SLC26A3: variants seen among roughly 807,000 people sequenced by gnomAD.
SLC26A3 encodes the protein solute carrier family 26 member 3, also known as chloride anion exchanger.
A neutral mutation model predicts 85.6 loss-of-function variants in SLC26A3; 64 were observed. That is an observed-to-expected ratio of 0.75 (90% CI 0.61 to 0.92). SLC26A3 has a LOEUF of 0.92. Ranked by LOEUF, SLC26A3 falls within the 40% of genes least tolerant of loss-of-function variation. The pLI is 0.00. For missense variants in SLC26A3, 922 were observed against 927.3 expected (o/e 0.99, Z 0.07); for synonymous variants, 349 against 336.0 (o/e 1.04, Z -0.42).
chr7:107,797,540 A>T (rs1464001126), intron 1 of SLC26A3, among the ~76,000 whole-genome samples: 1 of 151,816 alleles, frequency 6.6e-6, no homozygotes, highest in Non-Finnish European at 1.5e-5. Flanking sequence ...TTAGAGAGAA[A>T]TCTTGAGGGC....
intron 15 of SLC26A3, among the ~76,000 whole-genome samples, chr7:107,775,517 G>A (rs1435047556): frequency 2.0e-5 from 3 of 151,976 alleles, no homozygotes; most frequent in Non-Finnish European, 4.4e-5. Context: ...GTGAGGCCAC[G>A]AGTTCAAGGC....
chr7:107,783,579 G>A (rs1409712751), intron 8 of SLC26A3, among the ~76,000 whole-genome samples: 1 of 152,228 alleles, frequency 6.6e-6, no homozygotes, highest in African/African-American at 2.4e-5. Flanking sequence ...TCCAAGGATA[G>A]TGGTAAATCA....
rs1182291088 is a variant in SLC26A3, at chr7:107,776,439, C to T, written c.1677+13G>A. The T allele has an allele frequency of 5.0e-6, 8 of 1,601,132 alleles. No homozygotes were observed. The highest frequency in any genetic ancestry group is 6.8e-6 in the Non-Finnish European group (8 of 1,168,286). ...GATTACAAGGAAAAAAATTAAATAA[C>T]CCCAAACCTTACAGCATCGATAAGT... On this transcript the variant is annotated intron_variant, in intron 15 of 20. Coordinates refer to ENST00000340010, the MANE Select transcript of SLC26A3 (RefSeq NM_000111.3).
chr7:107,767,587 C>T lies in SLC26A3; in HGVS notation c.2263G>A (p.Val755Ile). The T allele has an allele frequency of 1.2e-6, 2 of 1,606,912 alleles. No homozygotes were observed. Among genetic ancestry groups the T allele is most frequent in the Non-Finnish European group, 8.5e-7 (1 of 1,173,984 alleles). The change falls in exon 20 of 21, where the codon GTA becomes ATA. Residue 755 changes from valine to isoleucine, a missense_variant. Val to Ile is a conservative substitution (Grantham distance 29). Coordinates refer to ENST00000340010, the MANE Select transcript of SLC26A3 (RefSeq NM_000111.3). ...INTNGGLRNR[V>I]YEVPVETKF ...CTGTTGAAGAATCTTACCTCATATA[C>T]CCGATTACGTAATCCTCCATTTGTA...
At chr7:107,783,456 C>T in intron 8 of SLC26A3, 104 bp from the exon 9 acceptor site, 1 of 1,375,958 alleles carries the variant, frequency 7.3e-7, no homozygotes, top group Non-Finnish European at 1.0e-6. Context: ...TGAGTTGTGT[C>T]TCACTTTGGA....
chr7:107,800,635 G>A (rs1002262660), intron 1 of SLC26A3, among the ~76,000 whole-genome samples: 1 of 152,206 alleles, frequency 6.6e-6, no homozygotes, highest in African/African-American at 2.4e-5. Flanking sequence ...CTTTTGTTAG[G>A]TCCTATGACA....
chr7:107,779,895 G>C, intron 11 of SLC26A3, 132 bp from the exon 12 acceptor site: 1 of 756,480 alleles, frequency 1.3e-6, no homozygotes, highest in East Asian at 2.7e-5. Flanking sequence ...ACCCTTTTCC[G>C]GTGTGCGATG....
At chr7:107,779,558 T>TTATA (rs1459292249) in intron 12 of SLC26A3, 110 bp downstream of exon 12, 1 of 879,238 alleles carries the variant, frequency 1.1e-6, no homozygotes, top group Non-Finnish European at 1.8e-6. Flanking sequence ...TTTGAACAGA[T>TTATA]ATATAGAAAC....
In SLC26A3 at chr7:107,791,970, C is replaced by T. The variant is rs749093434; in HGVS notation, c.272-30G>A. The T allele has an allele frequency of 3.0e-6, 4 of 1,320,110 alleles. No individual in the cohort carries two copies. In the South Asian group the frequency reaches 4.7e-5, roughly 16 times the overall value. 81.8% of individuals were successfully genotyped at this position (1,320,110 alleles called of 1,614,324 possible). On this transcript the variant is annotated intron_variant, in intron 3 of 20. Coordinates refer to ENST00000340010, the MANE Select transcript of SLC26A3 (RefSeq NM_000111.3). Reference sequence around the variant, plus strand: ...AAACACACAAGCAGCAGAGCCCTTACTCTGTGCAAGAGGAATCAAAGACAT... The same window carrying T: ...AAACACACAAGCAGCAGAGCCCTTATTCTGTGCAAGAGGAATCAAAGACAT...
intron 1 of SLC26A3, among the ~76,000 whole-genome samples, chr7:107,802,787 T>C (rs1449499816): frequency 6.7e-6 from 1 of 148,432 alleles, no homozygotes; most frequent in Non-Finnish European, 1.5e-5. Flanking sequence ...AGACAATCTA[T>C]CTATAAAGTC....
chr7:107,784,592 C>T (rs1453478764), intron 8 of SLC26A3, among the ~76,000 whole-genome samples: 1 of 152,128 alleles, frequency 6.6e-6, no homozygotes, highest in Non-Finnish European at 1.5e-5. Flanking sequence ...CCACCACGCC[C>T]AGCTAATTTT....
Position 107,778,163 on chromosome 7 carries a change from T to A in SLC26A3, c.1514+12A>T, listed in dbSNP as rs1162853053. 1.9e-6 allele frequency: 3 copies of A among 1,587,722 alleles called. No homozygotes were observed. The Admixed American group carries it at 5.0e-5, about 27-fold the overall frequency. On this transcript the variant is annotated intron_variant, in intron 13 of 20. Transcript: ENST00000340010. ...CAAGCCTGCCAGGATGCAGAGCACT[T>A]TGAGCACTCACAATTGGGTCCTGAA... is the stretch of plus-strand genomic sequence containing the variant.
Position 107,779,662 on chromosome 7 carries a change from A to G in SLC26A3, c.1407+6T>C, listed in dbSNP as rs1794183716. ...CTCTCTTTCAAATACTATTGCCTCT[A>G]CTTACACAATCATATTTGTCCTTTC... On this transcript the variant is annotated splice_donor_region_variant and intron_variant, in intron 12 of 20. Coordinates refer to ENST00000340010, the MANE Select transcript of SLC26A3 (RefSeq NM_000111.3). The G allele has an allele frequency of 1.9e-6, 3 of 1,598,814 alleles. No homozygotes were observed. The highest frequency in any genetic ancestry group is 2.6e-6 in the Non-Finnish European group (3 of 1,166,120).
rs1794357575 is a variant in SLC26A3, at chr7:107,789,561, G to A, written c.698C>T (p.Thr233Ile). 1.2e-6 allele frequency: 2 copies of A among 1,614,058 alleles called. No homozygotes were observed. Among genetic ancestry groups the A allele is most frequent in the African/African-American group, 2.7e-5 (2 of 75,032 alleles). The change falls in exon 6 of 21, where the codon ACA becomes ATA. Residue 233 changes from threonine (T) to isoleucine (I), a missense_variant. Thr to Ile is a moderately conservative substitution (Grantham distance 89). Transcript: ENST00000340010. ...VSQLKFIFQL[T>I]VPSHTDPVSI... ...AACTGGATCAGTGTGTGACGGGACT[G>A]TCAACTGAAAAATGAATTTGAGTTG... is the stretch of plus-strand genomic sequence containing the variant.
At chr7:107,793,686 A>C in intron 3 of SLC26A3, 56 bp downstream of exon 3, 1 of 1,332,168 alleles carries the variant, frequency 7.5e-7, no homozygotes, top group African/African-American at 1.5e-5. Flanking sequence ...CCTGAGCTGT[A>C]CACATTCAGA....
chr7:107,779,848 G>T lies in SLC26A3; in HGVS notation c.1312-85C>A, dbSNP rs537001836. On this transcript the variant is annotated intron_variant, in intron 11 of 20. Coordinates refer to ENST00000340010, the MANE Select transcript of SLC26A3 (RefSeq NM_000111.3). ...AAAGGTGAAGGCTATAGATAAGTGTGTGCTTTAAAGGGCCTCAAAGCAAAT... is the reference window on the plus strand; with the variant it reads ...AAAGGTGAAGGCTATAGATAAGTGTTTGCTTTAAAGGGCCTCAAAGCAAAT... 3.6e-5 allele frequency: 41 copies of T among 1,131,388 alleles called. 1 individual carries two copies. In the East Asian group the frequency reaches 9.3e-4, roughly 26 times the overall value. 70.1% of individuals were successfully genotyped at this position (1,131,388 alleles called of 1,614,324 possible).
chr7:107,782,935 G>C (rs771169064), intron 10 of SLC26A3, 45 bp downstream of exon 10: 1 of 1,612,842 alleles, frequency 6.2e-7, no homozygotes, highest in South Asian at 1.1e-5. Flanking sequence ...GAATTTCCTA[G>C]TTACTAACGC....
chr7:107,789,098 TTTTTC>T (rs543250104), intron 6 of SLC26A3, among the ~76,000 whole-genome samples: 1,669 of 149,852 alleles, frequency 0.011, 32 homozygotes, highest in African/African-American at 0.038. Context: ...CTTTACTTTC[TTTTTC>T]TTTTCTTTTC....
At chr7:107,775,566 G>T (rs1476639177) in intron 15 of SLC26A3, among the ~76,000 whole-genome samples, 2 of 151,706 alleles carry the variant, frequency 1.3e-5, no homozygotes, top group Non-Finnish European at 2.9e-5. Context: ...CTCTACAAAA[G>T]ATTTAAAACT....
Sources: gnomAD v4.1 joint callset for allele counts (sites outside exome capture counted in the v4.1 genomes callset) on GRCh38, gnomAD v4.1.1 for gene constraint, MANE v1.5 for transcripts, NCBI Gene and HGNC (gene_info 2026-07-23, HGNC 2026-07-21) for gene names.